Variants in SIK2 observed in about 807,000 individuals in gnomAD.
SIK2 encodes salt inducible kinase 2.
A neutral mutation model predicts 103.2 loss-of-function variants in SIK2; 29 were observed. The ratio of observed to expected loss-of-function variants is 0.28; its 90% CI spans 0.21 to 0.38. The LOEUF is 0.38. Among genes scored for constraint, SIK2 ranks in the 10% least tolerant of loss-of-function variants. The pLI is 1.00. For missense variants in SIK2, 879 were observed against 1,171.0 expected (o/e 0.75, Z 3.64); for synonymous variants, 412 against 446.1 (o/e 0.92, Z 0.96).
chr11:111,689,380 G>A (rs918492331), intron 4 of SIK2, among the ~76,000 whole-genome samples: 7 of 152,168 alleles, frequency 4.6e-5, no homozygotes, highest in Non-Finnish European at 1.0e-4. Flanking sequence ...TAAGATAGGT[G>A]GGAGATGTGG....
Position 111,726,155 on chromosome 11 carries a change from A to AAAAT in SIK2, c.*2028_*2031dup, listed in dbSNP as rs1943958661. The stretch of plus-strand genomic sequence containing the variant: ...TTAGACTGAAGGAAGACGTTTTCCC[A>AAAAT]AAATATACTACAGAAGTGCTACAAT... On this transcript the variant is annotated 3_prime_UTR_variant, in exon 15 of 15. Transcript: ENST00000304987. 6.6e-6 allele frequency: 1 copy of AAAAT among 152,226 alleles called. No individual in the cohort carries two copies. The highest frequency in any genetic ancestry group is 1.5e-5 in the Non-Finnish European group (1 of 68,034). 9.4% of individuals were successfully genotyped at this position (152,226 alleles called of 1,614,324 possible).
Position 111,716,492 on chromosome 11 carries a change from G to T in SIK2, c.1267-3283G>T, listed in dbSNP as rs532893167. Among the ~76,000 whole-genome samples the T allele has an allele frequency of 2.6e-5, 4 of 152,148 alleles. No homozygotes were observed. In the South Asian group the frequency reaches 8.3e-4, roughly 32 times the overall value. On this transcript the variant is annotated intron_variant, in intron 9 of 14. Transcript: ENST00000304987. ...CTGAGGAGGCTGAGGCAGGAGAATTGCTTGAACCTGGGAGATGGAGGTTGC... is the reference window on the plus strand; with the variant it reads ...CTGAGGAGGCTGAGGCAGGAGAATTTCTTGAACCTGGGAGATGGAGGTTGC...
intron 3 of SIK2, among the ~76,000 whole-genome samples, chr11:111,644,314 A>C (rs1942225400): frequency 2.6e-5 from 4 of 151,446 alleles, no homozygotes. Context: ...AGAAAGAAAG[A>C]AAAAAGAAAA....
intron 9 of SIK2, among the ~76,000 whole-genome samples, chr11:111,714,489 G>A (rs1303505837): frequency 2.0e-5 from 3 of 152,216 alleles, no homozygotes; most frequent in African/African-American, 4.8e-5. Flanking sequence ...GTGCAGGGGA[G>A]AAACTGGTGA....
rs762165315 is a variant in SIK2, at chr11:111,724,111, G to T, written c.2763G>T (p.Gly921=). 2 of 1,611,012 alleles carry T rather than the reference G, an allele frequency of 1.2e-6. No individual in the cohort carries two copies. Among genetic ancestry groups the T allele is most frequent in the Admixed American group, 3.3e-5 (2 of 60,028 alleles). ...MLDAVDPQHN[G]YVLVN ...ACGCTGTGGATCCACAACACAACGG[G>T]TATGTCCTGGTGAATTAGTCTCAGC... The change falls in exon 15 of 15, where the codon GGG becomes GGT. Residue 921 remains glycine, a synonymous_variant. Coordinates refer to ENST00000304987, the MANE Select transcript of SIK2 (RefSeq NM_015191.3).
rs36106790 is a variant in SIK2 at position 111,704,910 on chromosome 11, CT to C, written c.949-68del. 7.2e-4 allele frequency: 1,004 copies of C among 1,398,542 alleles called. 3 individuals are homozygous for C. The highest frequency in any genetic ancestry group is 8.5e-4 in the Non-Finnish European group (888 of 1,049,686). The allele number at this position is 1,398,542 out of a possible 1,614,324, so 86.6% of individuals were successfully genotyped here. ...TTTAAGAGCACACAATTTCTTTCCT[CT>C]TTTTTTTTAGGCATGTGTAGATCAT... On this transcript the variant is annotated intron_variant, in intron 7 of 14. Transcript: ENST00000304987.
intron 9 of SIK2, among the ~76,000 whole-genome samples, chr11:111,715,771 C>T (rs940353955): frequency 6.7e-5 from 10 of 149,794 alleles, no homozygotes; most frequent in East Asian, 2.0e-4. Flanking sequence ...TACATATACA[C>T]GCACACTTGA....
chr11:111,720,796 C>T (rs774872028), intron 11 of SIK2, 34 bp downstream of exon 11: 14 of 1,570,128 alleles, frequency 8.9e-6, no homozygotes, highest in African/African-American at 4.1e-5. Context: ...TTGAAACTCG[C>T]GTCGTAGGAG....
In SIK2 at chr11:111,700,953, T is replaced by C; in HGVS notation, c.546T>C (p.Tyr182=). Residue 182 remains tyrosine (Y), a synonymous_variant, in exon 5 of 15, where the codon TAT becomes TAC. Coordinates refer to ENST00000304987, the MANE Select transcript of SIK2 (RefSeq NM_015191.3). ...LLATWCGSPP[Y]AAPEVFEGQQ... ...CAACATGGTGTGGCAGCCCCCCTTA[T>C]GCAGCCCCAGAAGTCTTTGAAGGGC... The C allele has an allele frequency of 6.2e-7, 1 of 1,614,092 alleles. No homozygotes were observed. The highest frequency in any genetic ancestry group is 8.5e-7 in the Non-Finnish European group (1 of 1,179,976).
In SIK2 at chr11:111,727,456, C is replaced by T. The variant is rs977309917; in HGVS notation, c.*3327C>T. 9.8e-6 allele frequency: 2 copies of T among 204,916 alleles called. No individual in the cohort carries two copies. The highest frequency in any genetic ancestry group is 2.2e-4 in the East Asian group (2 of 9,036). The allele number at this position is 204,916 out of a possible 1,614,324, so 12.7% of individuals were successfully genotyped here. On this transcript the variant is annotated 3_prime_UTR_variant, in exon 15 of 15. Coordinates refer to ENST00000304987, the MANE Select transcript of SIK2 (RefSeq NM_015191.3). ...GCCCAAGACTGAAGCCAGCCCTTGCCTCTTGTGTCCCTTCCCAACTCTGGT... is the reference window on the plus strand; with the variant it reads ...GCCCAAGACTGAAGCCAGCCCTTGCTTCTTGTGTCCCTTCCCAACTCTGGT...
intron 3 of SIK2, among the ~76,000 whole-genome samples, chr11:111,620,660 G>A (rs566206326): frequency 6.6e-6 from 1 of 152,204 alleles, no homozygotes; most frequent in East Asian, 1.9e-4. Context: ...TAGTCATATT[G>A]CAAAGGATAT....
chr11:111,715,892 C>T (rs1227848155), intron 9 of SIK2, among the ~76,000 whole-genome samples: 1 of 151,088 alleles, frequency 6.6e-6, no homozygotes, highest in East Asian at 1.9e-4. Flanking sequence ...ACCTCCGCCC[C>T]CCGGGTTCAA....
At chr11:111,718,550 T>C (rs1485222658) in intron 9 of SIK2, among the ~76,000 whole-genome samples, 2 of 152,252 alleles carry the variant, frequency 1.3e-5, no homozygotes. Context: ...ATGGATTTTA[T>C]GGAATAACCT....
rs547032327 is a variant in SIK2, at chr11:111,721,090, G to A, written c.1944+28G>A. 1.6e-5 allele frequency: 26 copies of A among 1,592,614 alleles called. No individual in the cohort carries two copies. The South Asian group carries it at 2.8e-4, about 17-fold the overall frequency. On this transcript the variant is annotated intron_variant, in intron 12 of 14. Transcript: ENST00000304987. ...GGGTACCTTGGGCCCTTCCCTCAAT[G>A]GCTCTGTGAGGATGAGGTGTGAGTT...
intron 1 of SIK2, among the ~76,000 whole-genome samples, chr11:111,615,660 T>C (rs927261073): frequency 6.6e-6 from 1 of 152,206 alleles, no homozygotes; most frequent in Non-Finnish European, 1.5e-5. Context: ...ATAAAATTCC[T>C]TTTACAAAGT....
chr11:111,636,543 G>C lies in SIK2; in HGVS notation c.316+16141G>C, dbSNP rs1054978613. On this transcript the variant is annotated intron_variant, in intron 3 of 14. Transcript: ENST00000304987. ...AAGTTGTGGGATTAAAAGAAAATAT[G>C]TGATGTCAGTGTTTCAAAGACAAAT... Among the ~76,000 whole-genome samples the C allele has an allele frequency of 2.6e-5, 4 of 152,162 alleles. No homozygotes were observed. In the East Asian group the frequency reaches 7.7e-4, roughly 29 times the overall value.
At chr11:111,630,534 T>C (rs1024772091) in intron 3 of SIK2, among the ~76,000 whole-genome samples, 6 of 152,044 alleles carry the variant, frequency 3.9e-5, no homozygotes, top group Non-Finnish European at 7.4e-5. Flanking sequence ...GAAGTATAGA[T>C]TTGAGGATTA....
intron 1 of SIK2, among the ~76,000 whole-genome samples, chr11:111,604,523 C>T (rs1391082013): frequency 6.6e-6 from 1 of 152,126 alleles, no homozygotes; most frequent in Non-Finnish European, 1.5e-5. Flanking sequence ...GAGTGATTGA[C>T]ACTTTGAGGT....
Position 111,715,793 on chromosome 11 carries a change from C to CTTTT in SIK2, c.1266+3440_1266+3443dup, listed in dbSNP as rs535843069. On this transcript the variant is annotated intron_variant, in intron 9 of 14. Coordinates refer to ENST00000304987, the MANE Select transcript of SIK2 (RefSeq NM_015191.3). Reference sequence around the variant, plus strand: ...ACACGCACACTTGAGTCATTTTTAGCTTTTTTTTTTTTTTTTTTTTTTTTT... The same window carrying CTTTT: ...ACACGCACACTTGAGTCATTTTTAGCTTTTTTTTTTTTTTTTTTTTTTTTTTTTT... Among the ~76,000 whole-genome samples, 168 of 81,606 alleles carry CTTTT rather than the reference C, an allele frequency of 2.1e-3. 1 individual carries two copies. Among genetic ancestry groups the CTTTT allele is most frequent in the Non-Finnish European group, 2.3e-3 (107 of 46,140 alleles). The allele number at this position is 81,606 out of a possible 152,430, so 53.5% of individuals were successfully genotyped here. A position where few individuals can be genotyped will look rare whatever the true frequency, so the allele number is the denominator to read the frequency against.
Sources: allele counts gnomAD v4.1 joint callset (sites outside exome capture counted in the v4.1 genomes callset), GRCh38; gene constraint gnomAD v4.1.1; transcripts MANE v1.5; gene names NCBI Gene and HGNC (gene_info 2026-07-23, HGNC 2026-07-21).